PTPRN2: variants seen among roughly 807,000 people sequenced by gnomAD.
PTPRN2 encodes the protein protein tyrosine phosphatase receptor type N2.
A neutral mutation model predicts 118.8 loss-of-function variants in PTPRN2; 74 were observed. That is an observed-to-expected ratio of 0.62 (90% CI 0.52 to 0.76). The LOEUF (loss-of-function observed/expected upper bound fraction) is 0.76. Ranked by LOEUF, PTPRN2 falls within the 30% of genes least tolerant of loss-of-function variation. The pLI, the probability that PTPRN2 is intolerant of heterozygous loss-of-function variation, is 0.00. For missense variants in PTPRN2, 1,481 were observed against 1,394.4 expected (o/e 1.06, Z -0.99); for synonymous variants, 641 against 608.0 (o/e 1.05, Z -0.80).
intron 12 of PTPRN2, among the ~76,000 whole-genome samples, 193 bp from the exon 13 acceptor site, chr7:157,683,130 A>G (rs1355728872): frequency 3.3e-5 from 5 of 152,230 alleles, no homozygotes; most frequent in African/African-American, 7.2e-5. Flanking sequence ...TGAAAATAGC[A>G]CATCGCAGAT....
intron 11 of PTPRN2, among the ~76,000 whole-genome samples, chr7:158,074,266 G>T (rs966662658): frequency 6.6e-6 from 1 of 152,140 alleles, no homozygotes; most frequent in African/African-American, 2.4e-5. Flanking sequence ...GCCTCCTGCC[G>T]ACGATCCCTC....
At chr7:158,440,414 GTGATAGTGAAAGCAGTGGTGGTGGTGA>G (rs1816903080) in intron 2 of PTPRN2, among the ~76,000 whole-genome samples, 1 of 152,166 alleles carries the variant, frequency 6.6e-6, no homozygotes, top group Non-Finnish European at 1.5e-5. Context: ...AGTGGTGGTG[GTGATAGTGAAAGCAGTGGTGGTGGTGA>G]TGATGGTGGT....
At chr7:157,669,590 G>C (rs562249277) in intron 13 of PTPRN2, 1 of 483,062 alleles carries the variant, frequency 2.1e-6, no homozygotes, top group South Asian at 1.5e-5. Context: ...CAAACAAGCC[G>C]AGTCAGCCCA....
At position 157,844,407 on chromosome 7, in the gene PTPRN2, GA is replaced by G. The variant is rs201571343; in HGVS notation, c.1788+54265del. ...CGAGGCCACTGGCATGTGGGAGATG[GA>G]GGACAGTGGGGAGAAGAAAGAACAC... is the stretch of plus-strand genomic sequence containing the variant. On this transcript the variant is annotated intron_variant, in intron 12 of 22. Transcript: ENST00000389418. 2.8e-4 allele frequency among the ~76,000 whole-genome samples: 42 copies of G among 152,332 alleles called. No homozygotes were observed. The East Asian group carries it at 8.1e-3, about 29-fold the overall frequency.
intron 3 of PTPRN2, among the ~76,000 whole-genome samples, chr7:158,273,124 T>C (rs1206399919): frequency 7.3e-6 from 1 of 137,094 alleles, no homozygotes; most frequent in African/African-American, 2.9e-5. Context: ...GAGAGAGGAC[T>C]CAGGCCCCAG....
At chr7:157,599,893 C>A (rs1380344297) in intron 16 of PTPRN2, among the ~76,000 whole-genome samples, 20 of 137,972 alleles carry the variant, frequency 1.4e-4, no homozygotes, top group Middle Eastern at 4.2e-3. Context: ...ACCTGCCCAC[C>A]TCTCCACCTG....
intron 1 of PTPRN2, among the ~76,000 whole-genome samples, chr7:158,569,451 C>T (rs1827847615): frequency 6.6e-6 from 1 of 152,270 alleles, no homozygotes; most frequent in Non-Finnish European, 1.5e-5. Context: ...ACACCCTCCC[C>T]GGGACGTCAC....
intron 2 of PTPRN2, among the ~76,000 whole-genome samples, chr7:158,353,526 C>A (rs1808165761): frequency 1.3e-5 from 2 of 152,136 alleles, no homozygotes; most frequent in Non-Finnish European, 2.9e-5. Flanking sequence ...TTTCTGGTTC[C>A]AAACGGCAGG....
At chr7:158,292,727 C>G (rs1800204009) in intron 3 of PTPRN2, among the ~76,000 whole-genome samples, 1 of 152,192 alleles carries the variant, frequency 6.6e-6, no homozygotes, top group South Asian at 2.1e-4. Context: ...GGTTAAGTAT[C>G]TGTGTATCAT....
intron 11 of PTPRN2, among the ~76,000 whole-genome samples, chr7:157,985,833 G>A (rs550301858): frequency 6.6e-5 from 10 of 152,200 alleles, no homozygotes; most frequent in South Asian, 4.2e-4. Context: ...CCTGGCTGAC[G>A]AGACCCGGCC....
At chr7:158,468,199 T>A (rs1341336734) in intron 2 of PTPRN2, among the ~76,000 whole-genome samples, 1 of 152,252 alleles carries the variant, frequency 6.6e-6, no homozygotes, top group African/African-American at 2.4e-5. Flanking sequence ...AATTCTTAAA[T>A]GGCAAATTAG....
intron 10 of PTPRN2, among the ~76,000 whole-genome samples, chr7:158,109,233 CT>C (rs1460102055): frequency 6.6e-6 from 1 of 151,504 alleles, no homozygotes; most frequent in Non-Finnish European, 1.5e-5. Context: ...GATGTCACCC[CT>C]GTGTGAAGGA....
rs117682708 is a variant in PTPRN2 at position 158,367,016 on chromosome 7, G to A, written c.164-50084C>T. 8.1e-3 allele frequency among the ~76,000 whole-genome samples: 1,232 copies of A among 152,256 alleles called. 6 individuals are homozygous for A. Among genetic ancestry groups the A allele is most frequent in the South Asian group, 0.026 (124 of 4,820 alleles). On this transcript the variant is annotated intron_variant, in intron 2 of 22. Transcript: ENST00000389418. The stretch of plus-strand genomic sequence containing the variant: ...GGAAAAGCATAGCTTAGGGGTTCAG[G>A]GGAGAAACAGTGACCTCTGCATCAG...
At chr7:157,850,343 C>T (rs973207331) in intron 12 of PTPRN2, among the ~76,000 whole-genome samples, 1 of 146,622 alleles carries the variant, frequency 6.8e-6, no homozygotes, top group Non-Finnish European at 1.5e-5. Flanking sequence ...GCCTCAGGCT[C>T]GCGTAAGGGA....
chr7:158,571,504 A>G (rs1373742643), intron 1 of PTPRN2, among the ~76,000 whole-genome samples: 2 of 148,038 alleles, frequency 1.4e-5, no homozygotes, highest in African/African-American at 5.0e-5. Context: ...AAAAAAAACA[A>G]AAAAAAACAC....
intron 12 of PTPRN2, among the ~76,000 whole-genome samples, chr7:157,760,481 C>T (rs1802066146): frequency 6.6e-6 from 1 of 152,098 alleles, no homozygotes; most frequent in Admixed American, 6.5e-5. Flanking sequence ...AGAGCAGCTG[C>T]TCCACAGAAG....
chr7:158,123,909 G>C (rs941990528), intron 9 of PTPRN2, among the ~76,000 whole-genome samples: 1 of 152,112 alleles, frequency 6.6e-6, no homozygotes, highest in African/African-American at 2.4e-5. Context: ...AGGCGGAACA[G>C]GCTCTCTAAC....
chr7:157,722,718 G>A (rs1180351289), intron 12 of PTPRN2, among the ~76,000 whole-genome samples: 4 of 152,164 alleles, frequency 2.6e-5, no homozygotes, highest in African/African-American at 7.2e-5. Flanking sequence ...ATGAGTGCCA[G>A]CCTCCCCACA....
chr7:158,403,764 A>T (rs1169016909), intron 2 of PTPRN2, among the ~76,000 whole-genome samples: 1 of 152,104 alleles, frequency 6.6e-6, no homozygotes, highest in East Asian at 1.9e-4. Flanking sequence ...CCAAAACCCC[A>T]CGAGGCTGAA....
Sources: allele counts gnomAD v4.1 joint callset (sites outside exome capture counted in the v4.1 genomes callset), GRCh38; gene constraint gnomAD v4.1.1; transcripts MANE v1.5; gene names NCBI Gene and HGNC (gene_info 2026-07-23, HGNC 2026-07-21).